ANO1: variants seen among roughly 807,000 people sequenced by gnomAD.
ANO1 encodes anoctamin 1.
ANO1 carries 59 observed loss-of-function variants against 124.0 expected under a neutral mutation model. The ratio of observed to expected loss-of-function variants is 0.48; its 90% CI spans 0.39 to 0.59. ANO1 has a LOEUF of 0.59. ANO1 is among the 20% of genes least tolerant of loss of function. ANO1 has a pLI of 0.00. For missense variants in ANO1, 1,059 were observed against 1,328.0 expected (o/e 0.80, Z 3.15); for synonymous variants, 529 against 532.0 (o/e 0.99, Z 0.08).
Position 70,104,040 on chromosome 11 carries a change from C to T in ANO1, c.582C>T (p.Ile194=), listed in dbSNP as rs757514338. The T allele has an allele frequency of 1.2e-6, 2 of 1,612,438 alleles. No homozygotes were observed. The highest frequency in any genetic ancestry group is 1.7e-6 in the Non-Finnish European group (2 of 1,179,282). The change falls in exon 4 of 26, where the codon ATC becomes ATT. Residue 194 remains isoleucine, a synonymous_variant. Transcript: ENST00000355303. ...AGACCCGTGGCCTCCTGAAAAAAAT[C>T]AACTCTGTGCTCCAGAAAATCACAG... ...INETRGLLKK[I]NSVLQKITDP...
At chr11:69,970,045 C>T in the ANO1 span, among the ~76,000 whole-genome samples, 5 of 152,120 alleles carry the variant, frequency 3.3e-5, no homozygotes, top group East Asian at 1.9e-4. Context: ...GGGGGTTCCC[C>T]GGTGTGAGAG....
intron 2 of ANO1, among the ~76,000 whole-genome samples, chr11:70,088,594 G>A (rs1021319067): frequency 6.6e-6 from 1 of 151,766 alleles, no homozygotes; most frequent in African/African-American, 2.4e-5. Context: ...AATTGCTTTT[G>A]AACAGAGTTA....
At chr11:70,182,448 G>T in intron 23 of ANO1, 54 bp from the exon 24 acceptor site, 1 of 1,421,594 alleles carries the variant, frequency 7.0e-7, no homozygotes, top group East Asian at 2.6e-5. Context: ...TGTTGCGGCC[G>T]GCCCTTCTGC....
intron 7 of ANO1, 128 bp downstream of exon 7, chr11:70,111,890 T>G (rs1044035704): frequency 2.0e-6 from 2 of 982,858 alleles, no homozygotes; most frequent in Middle Eastern, 2.7e-4. Context: ...GCTGTAAATG[T>G]CAACTGTACA....
rs1478424706 is a variant in ANO1 at position 70,187,714 on chromosome 11, G to A, written c.2695-24G>A. On this transcript the variant is annotated intron_variant, in intron 25 of 25. Transcript: ENST00000355303. Reference sequence around the variant, plus strand: ...TTCCCCAGGCGCCATCCTCCCTTCTGCCACGCGTTGCCTCTCCTTCCAGAA... The same window carrying A: ...TTCCCCAGGCGCCATCCTCCCTTCTACCACGCGTTGCCTCTCCTTCCAGAA... 1.9e-6 allele frequency: 3 copies of A among 1,594,106 alleles called. No individual in the cohort carries two copies. The South Asian group carries it at 3.4e-5, about 18-fold the overall frequency.
intron 22 of ANO1, among the ~76,000 whole-genome samples, chr11:70,173,695 A>G (rs931320307): frequency 6.6e-6 from 1 of 152,204 alleles, no homozygotes; most frequent in African/African-American, 2.4e-5. Context: ...CTCAAGTCTT[A>G]GGCAATGGTT....
Position 70,149,808 on chromosome 11 carries a change from G to A in ANO1, c.1341+16G>A, listed in dbSNP as rs188757818. The A allele has an allele frequency of 3.1e-4, 505 of 1,612,066 alleles. 7 individuals are homozygous for A. In the East Asian group the frequency reaches 7.4e-3, roughly 24 times the overall value. ...AGAGGAAGAGGTCAGTGGGTTTGCCGCCGTGCATATCACGCCCTTCCCCCA... is the reference window on the plus strand; with the variant it reads ...AGAGGAAGAGGTCAGTGGGTTTGCCACCGTGCATATCACGCCCTTCCCCCA... On this transcript the variant is annotated intron_variant, in intron 12 of 25. Coordinates refer to ENST00000355303, the MANE Select transcript of ANO1 (RefSeq NM_018043.7).
chr11:70,112,453 T>C (rs532276449), intron 7 of ANO1, among the ~76,000 whole-genome samples: 37 of 152,150 alleles, frequency 2.4e-4, no homozygotes, highest in African/African-American at 8.0e-4. Flanking sequence ...TACCTGCTCC[T>C]CCGCCTTGAG....
intron 1 of ANO1, among the ~76,000 whole-genome samples, chr11:70,028,585 C>T (rs782745453): frequency 5.9e-5 from 9 of 152,082 alleles, no homozygotes; most frequent in Non-Finnish European, 1.2e-4. Flanking sequence ...AAATCCAGCT[C>T]CTGAGTCTTC....
chr11:69,988,722 G>A (rs1856094962), intron 1 of ANO1, among the ~76,000 whole-genome samples: 1 of 152,158 alleles, frequency 6.6e-6, no homozygotes, highest in Non-Finnish European at 1.5e-5. Context: ...ATACGCTTGT[G>A]GTCTGAACCT....
intron 15 of ANO1, 37 bp from the exon 16 acceptor site, chr11:70,156,910 G>A (rs1422114400): frequency 1.3e-6 from 2 of 1,598,898 alleles, no homozygotes; most frequent in East Asian, 2.2e-5. Flanking sequence ...TCATCGTGAT[G>A]GTTCCAGACA....
intron 1 of ANO1, among the ~76,000 whole-genome samples, chr11:70,071,402 A>G (rs1857870553): frequency 1.3e-5 from 2 of 152,230 alleles, no homozygotes. Context: ...AGGAAATGAC[A>G]AAGCAGAAAA....
At chr11:70,143,375 CGA>C (rs976586177) in intron 11 of ANO1, among the ~76,000 whole-genome samples, 15 of 152,058 alleles carry the variant, frequency 9.9e-5, no homozygotes, top group African/African-American at 3.6e-4. Flanking sequence ...GGAGGTGCCG[CGA>C]AATTAGGGAA....
intron 1 of ANO1, among the ~76,000 whole-genome samples, chr11:70,007,332 A>G (rs1856511824): frequency 7.1e-6 from 1 of 140,756 alleles, no homozygotes; most frequent in Non-Finnish European, 1.5e-5. Flanking sequence ...GCTGGAGTGC[A>G]GTGGCGCGAT....
chr11:70,089,434 T>C (rs781156740), intron 2 of ANO1, among the ~76,000 whole-genome samples: 16 of 152,202 alleles, frequency 1.1e-4, no homozygotes, highest in Non-Finnish European at 1.9e-4. Flanking sequence ...CAAGTAGATA[T>C]GACTTTCCTT....
intron 22 of ANO1, among the ~76,000 whole-genome samples, chr11:70,171,480 C>T (rs2048471071): frequency 6.6e-6 from 1 of 152,112 alleles, no homozygotes; most frequent in Admixed American, 6.6e-5. Context: ...TTAATGTTCA[C>T]AAAAGAGAAA....
the ANO1 span, among the ~76,000 whole-genome samples, chr11:69,968,324 A>AC: frequency 1.3e-5 from 2 of 151,648 alleles, no homozygotes; most frequent in Non-Finnish European, 2.9e-5. Context: ...AGCAGGAACG[A>AC]CCCCCAGGGA....
chr11:69,968,109 C>T, the ANO1 span, among the ~76,000 whole-genome samples: 41 of 152,120 alleles, frequency 2.7e-4, no homozygotes, highest in Admixed American at 2.0e-3. Flanking sequence ...CAAGGTTTAT[C>T]GAGTGAATGA....
chr11:70,151,762 G>A (rs571304616), intron 12 of ANO1, among the ~76,000 whole-genome samples: 49 of 152,202 alleles, frequency 3.2e-4, no homozygotes, highest in South Asian at 6.2e-4. Context: ...GACAGGGGCC[G>A]CCCCTCCACA....
Sources: gnomAD v4.1 joint callset for allele counts (sites outside exome capture counted in the v4.1 genomes callset) on GRCh38, gnomAD v4.1.1 for gene constraint, MANE v1.5 for transcripts, NCBI Gene and HGNC (gene_info 2026-07-23, HGNC 2026-07-21) for gene names.